Variants in STXBP5L observed in about 807,000 individuals in gnomAD.
The protein encoded by STXBP5L is syntaxin-binding protein 5-like.
STXBP5L carries 65 observed loss-of-function variants against 144.5 expected under a neutral mutation model. That is an observed-to-expected ratio of 0.45 (90% CI 0.37 to 0.55). The LOEUF (loss-of-function observed/expected upper bound fraction) is 0.55, where lower values mean the gene tolerates loss of function less well. STXBP5L is among the 20% of genes least tolerant of loss of function. STXBP5L has a pLI of 0.00. For missense variants in STXBP5L, 1,298 were observed against 1,405.5 expected (o/e 0.92, Z 1.22); for synonymous variants, 505 against 469.6 (o/e 1.08, Z -0.97).
At chr3:121,308,092 C>G (rs1186030486) in intron 19 of STXBP5L, among the ~76,000 whole-genome samples, 1 of 152,090 alleles carries the variant, frequency 6.6e-6, no homozygotes, top group Non-Finnish European at 1.5e-5. Flanking sequence ...GAACAACACA[C>G]TGGGGCCTGT....
At chr3:121,006,718 C>G (rs1306288530) in intron 3 of STXBP5L, among the ~76,000 whole-genome samples, 5 of 152,120 alleles carry the variant, frequency 3.3e-5, no homozygotes, top group African/African-American at 9.7e-5. Context: ...TTAGTGCCTC[C>G]TTCAGGAGCT....
intron 7 of STXBP5L, among the ~76,000 whole-genome samples, chr3:121,151,531 G>A (rs2045931086): frequency 6.6e-6 from 1 of 152,076 alleles, no homozygotes; most frequent in Non-Finnish European, 1.5e-5. Context: ...TGCAGGCTTA[G>A]GTTATCACCA....
At chr3:121,032,587 A>C (rs369780643) in intron 3 of STXBP5L, among the ~76,000 whole-genome samples, 12,947 of 143,122 alleles carry the variant, frequency 0.09, 870 homozygotes, top group Admixed American at 0.19. Flanking sequence ...TAATTAAACT[A>C]AAGAGCTTCT....
At chr3:121,234,918 C>T (rs958239802) in intron 12 of STXBP5L, among the ~76,000 whole-genome samples, 7 of 151,816 alleles carry the variant, frequency 4.6e-5, no homozygotes, top group Admixed American at 6.6e-5. Context: ...GTTGGTTACT[C>T]GTACTTTGTC....
chr3:120,972,341 G>T (rs962266430), intron 3 of STXBP5L, among the ~76,000 whole-genome samples: 2 of 151,922 alleles, frequency 1.3e-5, no homozygotes, highest in African/African-American at 4.8e-5. Context: ...TTGCAAATCC[G>T]ATTGAATTCT....
At chr3:120,919,630 T>C (rs1357030604) in intron 2 of STXBP5L, among the ~76,000 whole-genome samples, 1 of 152,012 alleles carries the variant, frequency 6.6e-6, no homozygotes, top group Admixed American at 6.6e-5. Flanking sequence ...TTCAATATTC[T>C]TGTGCTCTGC....
chr3:121,344,543 T>A (rs1032504146), intron 20 of STXBP5L, among the ~76,000 whole-genome samples: 2 of 152,132 alleles, frequency 1.3e-5, no homozygotes, highest in Non-Finnish European at 2.9e-5. Flanking sequence ...ATTTAATTCA[T>A]TTAATTGTAA....
intron 3 of STXBP5L, among the ~76,000 whole-genome samples, chr3:120,961,282 T>TA (rs1183022558): frequency 9.9e-5 from 15 of 151,876 alleles, no homozygotes; most frequent in Admixed American, 9.2e-4. Flanking sequence ...TTGTTTTTTT[T>TA]TTTTAATTAT....
At chr3:121,158,799 C>A (rs1360294460) in intron 9 of STXBP5L, 1 of 152,114 alleles carries the variant, frequency 6.6e-6, no homozygotes, top group Admixed American at 6.5e-5. Context: ...TTTCTACTTA[C>A]TTCCTTATGT....
At chr3:121,400,170 G>C (rs2046836784) in intron 22 of STXBP5L, among the ~76,000 whole-genome samples, 1 of 152,182 alleles carries the variant, frequency 6.6e-6, no homozygotes. Flanking sequence ...TGAGACAATG[G>C]AGCATGCACC....
At chr3:121,011,958 C>CTTTCTAT (rs1281552225) in intron 3 of STXBP5L, among the ~76,000 whole-genome samples, 2 of 151,888 alleles carry the variant, frequency 1.3e-5, no homozygotes, top group Middle Eastern at 3.4e-3. Context: ...TAGACAGTCA[C>CTTTCTAT]TTTCTATTTT....
At chr3:120,937,270 C>G (rs944481369) in intron 2 of STXBP5L, among the ~76,000 whole-genome samples, 2 of 152,088 alleles carry the variant, frequency 1.3e-5, no homozygotes, top group African/African-American at 2.4e-5. Flanking sequence ...ACTCCTTTTT[C>G]CCTCCCTCTG....
intron 9 of STXBP5L, among the ~76,000 whole-genome samples, chr3:121,180,169 T>C (rs950381220): frequency 1.1e-4 from 16 of 152,042 alleles, no homozygotes. Flanking sequence ...AAGGAAAGAA[T>C]CTTGAGAGCT....
intron 2 of STXBP5L, among the ~76,000 whole-genome samples, chr3:120,932,021 T>C (rs974774591): frequency 2.0e-5 from 3 of 152,192 alleles, no homozygotes; most frequent in Admixed American, 6.5e-5. Flanking sequence ...AGCTATATAG[T>C]ATAGCCTATT....
chr3:121,206,548 G>A (rs550969957), intron 10 of STXBP5L, among the ~76,000 whole-genome samples: 3 of 152,042 alleles, frequency 2.0e-5, no homozygotes, highest in Non-Finnish European at 2.9e-5. Flanking sequence ...CCTGCCTCAC[G>A]CCTGTAACCC....
chr3:121,300,894 C>G (rs547503022), intron 19 of STXBP5L, among the ~76,000 whole-genome samples: 1 of 152,072 alleles, frequency 6.6e-6, no homozygotes, highest in Non-Finnish European at 1.5e-5. Flanking sequence ...AGTGTATATG[C>G]TATTTATAAA....
chr3:120,967,579 G>A (rs538955973), intron 3 of STXBP5L, among the ~76,000 whole-genome samples: 1 of 151,938 alleles, frequency 6.6e-6, no homozygotes, highest in South Asian at 2.1e-4. Flanking sequence ...GTTGATATTT[G>A]TTTAGTCTCA....
chr3:121,362,108 CT>C (rs1451445168), intron 20 of STXBP5L, among the ~76,000 whole-genome samples: 8 of 152,178 alleles, frequency 5.3e-5, no homozygotes, highest in African/African-American at 1.9e-4. Flanking sequence ...GACAGAGACT[CT>C]TATTCTTTAC....
intron 5 of STXBP5L, among the ~76,000 whole-genome samples, chr3:121,106,755 A>G (rs942732439): frequency 6.6e-6 from 1 of 152,210 alleles, no homozygotes; most frequent in African/African-American, 2.4e-5. Context: ...CTGGGTATAT[A>G]CCCAGTAATG....
Sources: allele counts gnomAD v4.1 joint callset (sites outside exome capture counted in the v4.1 genomes callset), GRCh38; gene constraint gnomAD v4.1.1; transcripts MANE v1.5; gene names NCBI Gene and HGNC (gene_info 2026-07-23, HGNC 2026-07-21).